The following AGO2 variants were observed in gnomAD, a reference collection of about 807,000 sequenced individuals.
The protein encoded by AGO2 is argonaute RISC catalytic component 2.
AGO2 carries 5 observed loss-of-function variants against 102.3 expected under a neutral mutation model. The observed-to-expected ratio is 0.05, with a 90% CI of 0.03 to 0.10. The LOEUF (loss-of-function observed/expected upper bound fraction) is 0.10. Ranked by LOEUF, AGO2 falls within the 10% of genes least tolerant of loss-of-function variation. The pLI, the probability that AGO2 is intolerant of heterozygous loss-of-function variation, is 1.00. For synonymous variants in AGO2, 449 were observed against 473.1 expected, an observed-to-expected ratio of 0.95 and a Z score of 0.66; for missense variants, 541 against 1,183.7, an observed-to-expected ratio of 0.46 and a Z score of 7.97.
At chr8:140,556,110 T>C (rs1269064414) in intron 9 of AGO2, 57 bp downstream of exon 9, 1 of 1,611,306 alleles carries the variant, frequency 6.2e-7, no homozygotes, top group African/African-American at 1.3e-5. Flanking sequence ...GAGGTTTCTG[T>C]GCCAGGGCAA....
chr8:140,562,903 C>T (rs1176199131), intron 3 of AGO2, among the ~76,000 whole-genome samples: 1 of 152,168 alleles, frequency 6.6e-6, no homozygotes, highest in African/African-American at 2.4e-5. Context: ...GAAAACGTAT[C>T]CTCGTTTCAC....
At chr8:140,639,840 T>G (rs1403226445), upstream of AGO2, among the ~76,000 whole-genome samples, 5 of 152,194 alleles carry the variant, frequency 3.3e-5, no homozygotes, top group Non-Finnish European at 7.3e-5. Flanking sequence ...CCACTGGGTC[T>G]GCCAGCTGGG....
At chr8:140,574,393 C>T (rs2073432952) in intron 2 of AGO2, among the ~76,000 whole-genome samples, 1 of 152,134 alleles carries the variant, frequency 6.6e-6, no homozygotes, top group South Asian at 2.1e-4. Context: ...TCCCAAGCGG[C>T]CGGAACTACA....
chr8:140,582,299 G>A (rs1341269525), intron 2 of AGO2, among the ~76,000 whole-genome samples: 3 of 152,094 alleles, frequency 2.0e-5, no homozygotes, highest in Non-Finnish European at 4.4e-5. Context: ...TACAGGTTGA[G>A]CACCCCTAAT....
At chr8:140,621,840 C>A (rs1012639767) in intron 1 of AGO2, among the ~76,000 whole-genome samples, 1 of 152,084 alleles carries the variant, frequency 6.6e-6, no homozygotes, top group Non-Finnish European at 1.5e-5. Context: ...GAACTGCTGG[C>A]GGGAATGGAA....
chr8:140,525,244 C>T lies in AGO2; in HGVS notation c.*6800G>A, dbSNP rs1344987913. ...AAGATGGTGGGAGGGCCCAGCGCAGCATTCCGGAGATGCGCGTGCAGGAAG... is the reference window on the plus strand; with the variant it reads ...AAGATGGTGGGAGGGCCCAGCGCAGTATTCCGGAGATGCGCGTGCAGGAAG... On this transcript the variant is annotated 3_prime_UTR_variant, in exon 19 of 19. Transcript: ENST00000220592. 6.6e-6 allele frequency: 1 copy of T among 152,272 alleles called. No homozygotes were observed. The highest frequency in any genetic ancestry group is 1.5e-5 in the Non-Finnish European group (1 of 68,064). 9.4% of individuals were successfully genotyped at this position (152,272 alleles called of 1,614,324 possible).
intron 1 of AGO2, among the ~76,000 whole-genome samples, chr8:140,598,027 G>C (rs970255880): frequency 2.6e-5 from 4 of 152,212 alleles, no homozygotes; most frequent in African/African-American, 9.6e-5. Context: ...CTCCTTTCTA[G>C]GTGCCAGGTC....
intron 4 of AGO2, among the ~76,000 whole-genome samples, chr8:140,561,164 C>T (rs756249463): frequency 2.2e-4 from 34 of 152,360 alleles, no homozygotes; most frequent in African/African-American, 7.2e-4. Flanking sequence ...CTGAAGCAGA[C>T]GCATTCTCCA....
chr8:140,594,694 C>G (rs896590439), intron 1 of AGO2, among the ~76,000 whole-genome samples: 1 of 152,044 alleles, frequency 6.6e-6, no homozygotes, highest in African/African-American at 2.4e-5. Context: ...GTAGTCCCAG[C>G]TACTCGGGGG....
At chr8:140,580,492 A>G (rs570691887) in intron 2 of AGO2, among the ~76,000 whole-genome samples, 10 of 152,322 alleles carry the variant, frequency 6.6e-5, no homozygotes, top group Non-Finnish European at 1.5e-4. Flanking sequence ...AGCACGACGG[A>G]GGAGCCCAGA....
At chr8:140,563,623 G>A (rs2073236641) in intron 3 of AGO2, among the ~76,000 whole-genome samples, 1 of 152,194 alleles carries the variant, frequency 6.6e-6, no homozygotes, top group African/African-American at 2.4e-5. Flanking sequence ...GGCAGAGACG[G>A]GATCTGGACC....
chr8:140,607,597 A>G (rs905021989), intron 1 of AGO2, among the ~76,000 whole-genome samples: 1 of 151,604 alleles, frequency 6.6e-6, no homozygotes, highest in African/African-American at 2.4e-5. Flanking sequence ...GTGGAATATT[A>G]CACACCCATG....
intron 1 of AGO2, among the ~76,000 whole-genome samples, chr8:140,602,751 C>T (rs1360701263): frequency 3.3e-5 from 5 of 152,180 alleles, no homozygotes; most frequent in Admixed American, 3.3e-4. Flanking sequence ...TTTGAAATGT[C>T]AATTCTAAAC....
chr8:140,535,375 C>T, intron 17 of AGO2, 93 bp downstream of exon 17: 4 of 1,299,486 alleles, frequency 3.1e-6, no homozygotes, highest in Non-Finnish European at 4.4e-6. Flanking sequence ...CACACCACAT[C>T]CCACGTGCCA....
At chr8:140,600,855 C>T (rs1217055505) in intron 1 of AGO2, among the ~76,000 whole-genome samples, 6 of 151,540 alleles carry the variant, frequency 4.0e-5, no homozygotes, top group Non-Finnish European at 8.8e-5. Context: ...GTAGGATTGA[C>T]GGGGAGGTGG....
At chr8:140,542,176 G>A (rs2132881174) in intron 14 of AGO2, among the ~76,000 whole-genome samples, 1 of 152,298 alleles carries the variant, frequency 6.6e-6, no homozygotes, top group East Asian at 1.9e-4. Flanking sequence ...GAGGGATGAG[G>A]TGGCCCAGCC....
chr8:140,568,445 C>T (rs758559717), intron 3 of AGO2, among the ~76,000 whole-genome samples: 96 of 152,110 alleles, frequency 6.3e-4, no homozygotes, highest in Non-Finnish European at 1.1e-3. Flanking sequence ...GAGGAGGGAG[C>T]GAGGGAGGCA....
intron 1 of AGO2, among the ~76,000 whole-genome samples, chr8:140,634,161 C>T (rs1297432402): frequency 5.9e-5 from 9 of 152,240 alleles, no homozygotes; most frequent in Admixed American, 5.9e-4. Flanking sequence ...TGCTGATGGC[C>T]CTCAGGGGTT....
At chr8:140,641,330 ACACAC>A in the AGO2 span, among the ~76,000 whole-genome samples, 1 of 150,838 alleles carries the variant, frequency 6.6e-6, no homozygotes, top group African/African-American at 2.5e-5. Flanking sequence ...ACACACACAC[ACACAC>A]AAAACAGCAA....
Sources: gnomAD v4.1 joint callset for allele counts (sites outside exome capture counted in the v4.1 genomes callset) on GRCh38, gnomAD v4.1.1 for gene constraint, MANE v1.5 for transcripts, NCBI Gene and HGNC (gene_info 2026-07-23, HGNC 2026-07-21) for gene names.